The following ARID1A variants were observed in gnomAD, a reference collection of about 807,000 sequenced individuals.
ARID1A encodes AT-rich interactive domain-containing protein 1A.
A neutral mutation model predicts 212.6 loss-of-function variants in ARID1A; 20 were observed. That is an observed-to-expected ratio of 0.09 (90% CI 0.07 to 0.14). The LOEUF is 0.14. ARID1A is among the 10% of genes least tolerant of loss of function. ARID1A has a pLI of 1.00. For synonymous variants in ARID1A, 1,376 were observed against 1,222.1 expected (o/e 1.13, Z -2.63); for missense variants, 2,587 against 3,059.0 (o/e 0.85, Z 3.64).
intron 9 of ARID1A, 34 bp downstream of exon 9, chr1:26,766,400 C>T (rs2124080862): frequency 1.9e-6 from 3 of 1,613,974 alleles, no homozygotes; most frequent in Middle Eastern, 1.7e-4. Flanking sequence ...GGGATTTCTT[C>T]AAGAGTCACA....
chr1:26,719,129 C>T (rs918696878), intron 1 of ARID1A, among the ~76,000 whole-genome samples: 2 of 152,152 alleles, frequency 1.3e-5, no homozygotes, highest in Non-Finnish European at 2.9e-5. Flanking sequence ...TCTACATTCC[C>T]CTTTCCTTTC....
chr1:26,774,136 T>G lies in ARID1A; in HGVS notation c.4102-193T>G. Reference sequence around the variant, plus strand: ...TTTAGGTTTTGTATATTTTTCTACTTAAGCAAGGGAAGGGAAGAAAGAGTG... The same window carrying G: ...TTTAGGTTTTGTATATTTTTCTACTGAAGCAAGGGAAGGGAAGAAAGAGTG... On this transcript the variant is annotated intron_variant, in intron 17 of 19. Transcript: ENST00000324856. This position sits in a 1 kb window ranked among gnomAD's most constrained non-coding sequence, Gnocchi z 5.6. The G allele has an allele frequency of 8.2e-7, 1 of 1,214,964 alleles. No homozygotes were observed. The highest frequency in any genetic ancestry group is 1.1e-6 in the Non-Finnish European group (1 of 897,226). 75.3% of individuals were successfully genotyped at this position (1,214,964 alleles called of 1,614,324 possible). A position where few individuals can be genotyped will look rare whatever the true frequency, so the allele number is the denominator to read the frequency against.
chr1:26,774,320 C>T lies in ARID1A; in HGVS notation c.4102-9C>T. The T allele has an allele frequency of 6.5e-7, 1 of 1,527,500 alleles. No individual in the cohort carries two copies. The highest frequency in any genetic ancestry group is 1.3e-5 in the South Asian group (1 of 76,914). The allele number at this position is 1,527,500 out of a possible 1,614,324, so 94.6% of individuals were successfully genotyped here. A position where few individuals can be genotyped will look rare whatever the true frequency, so the allele number is the denominator to read the frequency against. On this transcript the variant is annotated splice_polypyrimidine_tract_variant and intron_variant, in intron 17 of 19. Transcript: ENST00000324856. This position sits in a 1 kb window ranked among gnomAD's most constrained non-coding sequence, Gnocchi z 5.6. ...GTATTAACTTCCCCTCTGCTTGTCT[C>T]TGCCTTAGAATTACAAGCGGCCAAT...
At chr1:26,739,658 T>C (rs2080768635) in intron 4 of ARID1A, among the ~76,000 whole-genome samples, 1 of 152,194 alleles carries the variant, frequency 6.6e-6, no homozygotes, top group South Asian at 2.1e-4. Context: ...AGACTTCCTG[T>C]AGCTGTGGCC....
In ARID1A at chr1:26,697,137, C is replaced by G; in HGVS notation, c.734C>G (p.Ala245Gly). The change falls in exon 1 of 20, where the codon GCG (alanine) becomes GGG (glycine). Residue 245 changes from alanine (A) to glycine (G), a missense_variant. This residue lies in a region of ARID1A where 735 missense variants were observed against 590.6 expected (regional missense o/e 1.24). Transcript: ENST00000324856. ...GGCACTCCGGGCTCCGGCGCGGCGG[C>G]GGCTGCCGGCTCCAAGCCGCCTCCC... ...RGGTPGSGAA[A>G]AAGSKPPPSS... The G allele has an allele frequency of 6.9e-7, 1 of 1,438,958 alleles. No individual in the cohort carries two copies. Among genetic ancestry groups the G allele is most frequent in the Non-Finnish European group, 9.1e-7 (1 of 1,099,714 alleles). The allele number at this position is 1,438,958 out of a possible 1,614,324, so 89.1% of individuals were successfully genotyped here.
intron 1 of ARID1A, among the ~76,000 whole-genome samples, chr1:26,714,704 C>T (rs547696057): frequency 5.9e-5 from 9 of 152,132 alleles, no homozygotes; most frequent in African/African-American, 1.9e-4. Flanking sequence ...CATGAGCCAC[C>T]GCGCCGCATA....
At chr1:26,718,077 CAGTTCTCCTGCCT>C (rs978083470) in intron 1 of ARID1A, among the ~76,000 whole-genome samples, 1 of 152,152 alleles carries the variant, frequency 6.6e-6, no homozygotes, top group Admixed American at 6.5e-5. Flanking sequence ...CAGGTTCAAG[CAGTTCTCCTGCCT>C]CAGCCTCCTG....
chr1:26,707,442 C>T (rs1437340654), intron 1 of ARID1A, among the ~76,000 whole-genome samples: 3 of 151,868 alleles, frequency 2.0e-5, no homozygotes, highest in Non-Finnish European at 4.4e-5. Flanking sequence ...CTCCTGAGCT[C>T]GTGATCTACC....
intron 19 of ARID1A, 163 bp downstream of exon 19, chr1:26,775,870 T>C: frequency 1.0e-6 from 1 of 985,120 alleles, no homozygotes. Flanking sequence ...GGGCCCAGGA[T>C]TTTGACAGCA....
chr1:26,746,334 C>T (rs747672595), intron 4 of ARID1A, among the ~76,000 whole-genome samples: 1 of 152,150 alleles, frequency 6.6e-6, no homozygotes, highest in Non-Finnish European at 1.5e-5. Context: ...TCACCTTCAC[C>T]TATTCCCCCT....
intron 1 of ARID1A, among the ~76,000 whole-genome samples, chr1:26,716,646 G>A (rs956703814): frequency 4.6e-5 from 7 of 151,816 alleles, no homozygotes; most frequent in South Asian, 2.1e-4. Flanking sequence ...TTTGTTTTAC[G>A]GGGAGATGGA....
At chr1:26,710,990 C>G (rs188995867) in intron 1 of ARID1A, among the ~76,000 whole-genome samples, 2 of 152,236 alleles carry the variant, frequency 1.3e-5, no homozygotes, top group African/African-American at 4.8e-5. Context: ...AGTCCAAGAT[C>G]AAAATGCTGG....
intron 19 of ARID1A, among the ~76,000 whole-genome samples, chr1:26,777,790 G>A (rs1311461372): frequency 1.3e-5 from 2 of 152,112 alleles, no homozygotes; most frequent in Non-Finnish European, 2.9e-5. Context: ...AAATTAGGCT[G>A]GGCGCAGTGG....
intron 4 of ARID1A, among the ~76,000 whole-genome samples, chr1:26,744,949 CT>C (rs1189682864): frequency 6.6e-6 from 1 of 152,160 alleles, no homozygotes; most frequent in African/African-American, 2.4e-5. Flanking sequence ...AGGCTCCCCC[CT>C]CTTGCCCATT....
Position 26,771,051 on chromosome 1 carries a change from G to T in ARID1A, c.3199-68G>T. 1 of 1,423,144 alleles carries T rather than the reference G, an allele frequency of 7.0e-7. No individual in the cohort carries two copies. The highest frequency in any genetic ancestry group is 9.9e-7 in the Non-Finnish European group (1 of 1,008,714). 88.2% of individuals were successfully genotyped at this position (1,423,144 alleles called of 1,614,324 possible). On this transcript the variant is annotated intron_variant, in intron 11 of 19. Transcript: ENST00000324856. This position sits in a 1 kb window ranked among gnomAD's most constrained non-coding sequence, Gnocchi z 5.4. ...GATGAATACCTTACAGCCTGATGGGGCTTGGGGCTTATGGGCAGGAAAACC... is the reference window on the plus strand; with the variant it reads ...GATGAATACCTTACAGCCTGATGGGTCTTGGGGCTTATGGGCAGGAAAACC...
At chr1:26,701,254 G>C (rs993427297) in intron 1 of ARID1A, among the ~76,000 whole-genome samples, 6 of 152,178 alleles carry the variant, frequency 3.9e-5, no homozygotes, top group African/African-American at 1.4e-4. Flanking sequence ...AGCAACTGAA[G>C]CTTGTAAATA....
Position 26,762,063 on chromosome 1 carries a change from T to C in ARID1A, c.2252-89T>C, listed in dbSNP as rs1037223813. 2.2e-6 allele frequency: 3 copies of C among 1,393,606 alleles called. No homozygotes were observed. The African/African-American group carries it at 4.4e-5, about 20-fold the overall frequency. 86.3% of individuals were successfully genotyped at this position (1,393,606 alleles called of 1,614,324 possible). A position where few individuals can be genotyped will look rare whatever the true frequency, so the allele number is the denominator to read the frequency against. On this transcript the variant is annotated intron_variant, in intron 6 of 19. Coordinates refer to ENST00000324856, the MANE Select transcript of ARID1A (RefSeq NM_006015.6). ...CCATGCAAGTGGCTGCTAAAGAAAATGTAGATGGTAAAGTCCCAGGATAAG... is the reference window on the plus strand; with the variant it reads ...CCATGCAAGTGGCTGCTAAAGAAAACGTAGATGGTAAAGTCCCAGGATAAG...
intron 1 of ARID1A, among the ~76,000 whole-genome samples, chr1:26,714,887 C>T (rs1037313707): frequency 1.1e-4 from 16 of 152,208 alleles, no homozygotes; most frequent in African/African-American, 3.1e-4. Context: ...GCTGCTGCTT[C>T]TTGGTGTTTT....
At chr1:26,719,946 A>AC (rs1271217115) in intron 1 of ARID1A, among the ~76,000 whole-genome samples, 10 of 147,752 alleles carry the variant, frequency 6.8e-5, no homozygotes, top group African/African-American at 2.5e-4. Context: ...CGTCTCAAAA[A>AC]AAAAAAAAAA....
Sources: gnomAD v4.1 joint callset for allele counts (sites outside exome capture counted in the v4.1 genomes callset) on GRCh38, gnomAD v4.1.1 for gene constraint, gnomAD v4.1.1 regional missense constraint, Gnocchi (gnomAD v3.1) non-coding constraint, MANE v1.5 for transcripts, NCBI Gene and HGNC (gene_info 2026-07-23, HGNC 2026-07-21) for gene names.